Variants in DIAPH3 observed in about 807,000 individuals in gnomAD.
The protein encoded by DIAPH3 is diaphanous related formin 3, also known as protein diaphanous homolog 3.
In DIAPH3, 117 loss-of-function variants were observed where a neutral mutation model predicts 144.3. The observed-to-expected ratio is 0.81, with a 90% confidence interval of 0.70 to 0.95. DIAPH3 has a LOEUF of 0.95. Ranked by LOEUF, DIAPH3 falls within the 40% of genes least tolerant of loss-of-function variation. The pLI, the probability that DIAPH3 is intolerant of heterozygous loss-of-function variation, is 0.00. For missense variants in DIAPH3, 1,421 were observed against 1,412.7 expected (o/e 1.01, Z -0.09); for synonymous variants, 519 against 488.9 (o/e 1.06, Z -0.81).
intron 27 of DIAPH3, among the ~76,000 whole-genome samples, chr13:59,726,322 G>A (rs1456516979): frequency 3.3e-5 from 5 of 152,066 alleles, no homozygotes; most frequent in African/African-American, 1.2e-4. Flanking sequence ...ATAAAACAAG[G>A]ATCACTGAAT....
chr13:60,005,049 G>GA (rs1292761622), intron 9 of DIAPH3, among the ~76,000 whole-genome samples: 22 of 152,090 alleles, frequency 1.4e-4, no homozygotes, highest in Non-Finnish European at 2.9e-5. Context: ...AGTTTAAAAA[G>GA]AAATCAACTC....
chr13:60,105,192 T>C (rs894632671), intron 3 of DIAPH3, among the ~76,000 whole-genome samples: 1 of 150,072 alleles, frequency 6.7e-6, no homozygotes, highest in African/African-American at 2.5e-5. Context: ...TAAATGACAA[T>C]TTCTTCATAC....
chr13:60,120,724 G>A (rs1370935468), intron 2 of DIAPH3, among the ~76,000 whole-genome samples: 1 of 152,134 alleles, frequency 6.6e-6, no homozygotes, highest in East Asian at 1.9e-4. Flanking sequence ...GAAGAACCGA[G>A]GCCTCCCCGC....
intron 17 of DIAPH3, 67 bp downstream of exon 17, chr13:59,969,877 G>T: frequency 1.0e-6 from 1 of 988,512 alleles, no homozygotes; most frequent in Non-Finnish European, 1.5e-6. Context: ...TCTGAAAATT[G>T]ATACATAAAA....
At chr13:60,038,311 G>A (rs2055377501) in intron 5 of DIAPH3, among the ~76,000 whole-genome samples, 1 of 152,080 alleles carries the variant, frequency 6.6e-6, no homozygotes, top group South Asian at 2.1e-4. Context: ...CAAAGTATTA[G>A]CAACTTCAAA....
intron 12 of DIAPH3, 68 bp downstream of exon 12, chr13:59,991,090 G>T: frequency 2.0e-6 from 2 of 985,880 alleles, no homozygotes; most frequent in Non-Finnish European, 3.1e-6. Context: ...AGGCAAATAT[G>T]ATGTGAATTT....
intron 4 of DIAPH3, among the ~76,000 whole-genome samples, chr13:60,066,707 A>G (rs1055836583): frequency 2.6e-5 from 4 of 152,242 alleles, no homozygotes; most frequent in African/African-American, 9.6e-5. Flanking sequence ...CCTGCCCTCA[A>G]TGAAATTAGA....
intron 4 of DIAPH3, among the ~76,000 whole-genome samples, chr13:60,093,037 C>T (rs972043440): frequency 1.3e-5 from 2 of 152,176 alleles, no homozygotes; most frequent in East Asian, 1.9e-4. Context: ...ACTAGTCAAG[C>T]TCATTTGTTT....
chr13:60,082,023 A>G (rs1382874314), intron 4 of DIAPH3, among the ~76,000 whole-genome samples: 2 of 152,074 alleles, frequency 1.3e-5, no homozygotes, highest in East Asian at 1.9e-4. Context: ...AGACAAACCT[A>G]TAAATCAAAT....
intron 27 of DIAPH3, among the ~76,000 whole-genome samples, chr13:59,671,694 A>G (rs528533096): frequency 6.6e-5 from 10 of 152,374 alleles, no homozygotes; most frequent in African/African-American, 2.2e-4. Flanking sequence ...CGATGAGAAT[A>G]CATGCTATTT....
intron 27 of DIAPH3, among the ~76,000 whole-genome samples, chr13:59,773,364 TTAA>T (rs770440923): frequency 1.1e-4 from 16 of 152,182 alleles, no homozygotes; most frequent in Non-Finnish European, 2.4e-4. Flanking sequence ...CAGTCACATG[TTAA>T]TAATTCCAGA....
chr13:59,937,234 G>A (rs2048312421), intron 17 of DIAPH3, among the ~76,000 whole-genome samples: 1 of 151,638 alleles, frequency 6.6e-6, no homozygotes, highest in Non-Finnish European at 1.5e-5. Context: ...TATGTTCTCT[G>A]ATGGTAGAAA....
At chr13:59,850,811 C>T (rs941100089) in intron 22 of DIAPH3, among the ~76,000 whole-genome samples, 21 of 147,546 alleles carry the variant, frequency 1.4e-4, no homozygotes, top group Admixed American at 1.1e-3. Context: ...ATACACTCTC[C>T]CAAGACTAAA....
chr13:59,687,418 GGAGTAT>G (rs2138666989), intron 27 of DIAPH3, among the ~76,000 whole-genome samples: 1 of 152,092 alleles, frequency 6.6e-6, no homozygotes, highest in South Asian at 2.1e-4. Context: ...AACTTTTGAT[GGAGTAT>G]AAGTATTTGT....
chr13:60,068,419 T>C (rs1036858510), intron 4 of DIAPH3, among the ~76,000 whole-genome samples: 3 of 152,238 alleles, frequency 2.0e-5, no homozygotes, highest in Admixed American at 6.5e-5. Flanking sequence ...TGTCAGTCTT[T>C]ACAGATGTAC....
chr13:59,912,996 A>G (rs1229086750), intron 19 of DIAPH3, among the ~76,000 whole-genome samples: 1 of 152,180 alleles, frequency 6.6e-6, no homozygotes, highest in Non-Finnish European at 1.5e-5. Context: ...ATCAAATTGA[A>G]TAAAAATAAA....
At chr13:60,058,498 A>T (rs959202437) in intron 4 of DIAPH3, among the ~76,000 whole-genome samples, 2 of 152,008 alleles carry the variant, frequency 1.3e-5, no homozygotes, top group Non-Finnish European at 2.9e-5. Flanking sequence ...TCAAAGAACT[A>T]AAAGCAGATG....
intron 27 of DIAPH3, among the ~76,000 whole-genome samples, chr13:59,710,473 A>G (rs1291227993): frequency 6.6e-6 from 1 of 152,192 alleles, no homozygotes; most frequent in Non-Finnish European, 1.5e-5. Flanking sequence ...GATTAGGGAT[A>G]TTTTAATAAA....
intron 27 of DIAPH3, among the ~76,000 whole-genome samples, chr13:59,677,540 T>C (rs1397464354): frequency 6.6e-6 from 1 of 152,160 alleles, no homozygotes; most frequent in East Asian, 1.9e-4. Context: ...TTTTTTGTAC[T>C]AAGCCTTCAA....
Sources: allele counts gnomAD v4.1 joint callset (sites outside exome capture counted in the v4.1 genomes callset), GRCh38; gene constraint gnomAD v4.1.1; transcripts MANE v1.5; gene names NCBI Gene and HGNC (gene_info 2026-07-23, HGNC 2026-07-21).